Variants in RSPO3 observed in about 807,000 individuals in gnomAD.
RSPO3 encodes the protein R-spondin 3.
Under a neutral mutation model 36.5 loss-of-function variants are expected in RSPO3, and 17 were observed. The ratio of observed to expected loss-of-function variants is 0.47; its 90% CI spans 0.32 to 0.70. RSPO3 has a LOEUF of 0.70. RSPO3 is among the 30% of genes least tolerant of loss of function. RSPO3 has a pLI of 0.04. For missense variants in RSPO3, 294 were observed against 322.5 expected, an observed-to-expected ratio of 0.91 and a Z score of 0.68; for synonymous variants, 108 against 107.0, an observed-to-expected ratio of 1.01 and a Z score of -0.06.
intron 1 of RSPO3, among the ~76,000 whole-genome samples, chr6:127,127,024 T>C (rs1204125397): frequency 6.6e-6 from 1 of 152,102 alleles, no homozygotes; most frequent in African/African-American, 2.4e-5. Flanking sequence ...ATGTGCTACA[T>C]TCACTCCCAA....
chr6:127,118,904 C>T lies in RSPO3; in HGVS notation c.-289C>T. 1 of 228,566 alleles carries T rather than the reference C, an allele frequency of 4.4e-6. No homozygotes were observed. The highest frequency in any genetic ancestry group is 8.4e-6 in the Non-Finnish European group (1 of 118,798). 14.2% of individuals were successfully genotyped at this position (228,566 alleles called of 1,614,324 possible). ...CAGTTGCCGCACAACATGCTACCTG[C>T]GGCCGCCCCGGCGGCTCCTGGAACC... On this transcript the variant is annotated 5_prime_UTR_variant, in exon 1 of 5. Transcript: ENST00000356698.
chr6:127,133,263 C>A (rs752028123), intron 1 of RSPO3, among the ~76,000 whole-genome samples: 5 of 151,892 alleles, frequency 3.3e-5, no homozygotes, highest in Non-Finnish European at 7.4e-5. Flanking sequence ...TATAAATGAG[C>A]AAGGAAAATA....
chr6:127,171,296 T>G (rs1388335168), intron 4 of RSPO3, among the ~76,000 whole-genome samples: 1 of 151,734 alleles, frequency 6.6e-6, no homozygotes, highest in Non-Finnish European at 1.5e-5. Flanking sequence ...AATATATCAG[T>G]GTGCTCCCCA....
At chr6:127,164,492 G>C in intron 4 of RSPO3, among the ~76,000 whole-genome samples, 1 of 151,996 alleles carries the variant, frequency 6.6e-6, no homozygotes, top group East Asian at 1.9e-4. Flanking sequence ...ATAATGCTAA[G>C]AATATTTTAA....
intron 4 of RSPO3, among the ~76,000 whole-genome samples, chr6:127,158,889 T>G (rs531949694): frequency 1.1e-4 from 16 of 152,250 alleles, no homozygotes; most frequent in African/African-American, 3.8e-4. Flanking sequence ...ACCAATACAA[T>G]TCTTTCTAGC....
At chr6:127,130,072 A>G (rs939562861) in intron 1 of RSPO3, among the ~76,000 whole-genome samples, 7 of 152,254 alleles carry the variant, frequency 4.6e-5, no homozygotes, top group Admixed American at 2.0e-4. Flanking sequence ...ATGGTGTTGT[A>G]AGTATCTAAG....
intron 4 of RSPO3, among the ~76,000 whole-genome samples, chr6:127,177,129 A>G (rs1775071957): frequency 3.3e-5 from 5 of 151,980 alleles, no homozygotes; most frequent in African/African-American, 2.4e-5. Context: ...GCTCACATCA[A>G]TATTCCCGCT....
At chr6:127,139,448 T>C (rs1418752752) in intron 1 of RSPO3, among the ~76,000 whole-genome samples, 2 of 152,186 alleles carry the variant, frequency 1.3e-5, no homozygotes, top group Non-Finnish European at 2.9e-5. Context: ...GTGAAGTTAG[T>C]AGTTATGGAG....
chr6:127,135,027 G>A (rs1485472255), intron 1 of RSPO3, among the ~76,000 whole-genome samples: 2 of 152,168 alleles, frequency 1.3e-5, no homozygotes, highest in Admixed American at 6.5e-5. Flanking sequence ...TAGACAAAAC[G>A]TGAGGGTGTG....
At position 127,123,166 on chromosome 6, in the gene RSPO3, T is replaced by A. The variant is rs187072340; in HGVS notation, c.97+3877T>A. On this transcript the variant is annotated intron_variant, in intron 1 of 4. Transcript: ENST00000356698. ...GACATTGTTTCAGATGTTGAGCCAGTCTTTGAAATTATGACACACCCTTTG... is the reference window on the plus strand; with the variant it reads ...GACATTGTTTCAGATGTTGAGCCAGACTTTGAAATTATGACACACCCTTTG... Among the ~76,000 whole-genome samples the A allele has an allele frequency of 1.6e-3, 244 of 152,300 alleles. 1 individual carries two copies. Among genetic ancestry groups the A allele is most frequent in the African/African-American group, 5.7e-3 (239 of 41,586 alleles).
At chr6:127,184,480 A>G (rs372777670) in intron 4 of RSPO3, among the ~76,000 whole-genome samples, 1 of 152,044 alleles carries the variant, frequency 6.6e-6, no homozygotes, top group Admixed American at 6.6e-5. Context: ...GCAAAGGAAG[A>G]GGAGTGAAAT....
At chr6:127,151,556 T>C (rs1327185808) in intron 3 of RSPO3, among the ~76,000 whole-genome samples, 1 of 152,010 alleles carries the variant, frequency 6.6e-6, no homozygotes, top group Non-Finnish European at 1.5e-5. Context: ...GGAGTCCCCA[T>C]CTTAGGGGTC....
chr6:127,169,194 T>A (rs879459815), intron 4 of RSPO3, among the ~76,000 whole-genome samples: 1 of 151,780 alleles, frequency 6.6e-6, no homozygotes, highest in Non-Finnish European at 1.5e-5. Flanking sequence ...CTCCACAACC[T>A]CACCAGCATC....
At chr6:127,141,831 G>A (rs892045718) in intron 1 of RSPO3, among the ~76,000 whole-genome samples, 2 of 152,088 alleles carry the variant, frequency 1.3e-5, no homozygotes, top group Non-Finnish European at 1.5e-5. Flanking sequence ...GTGTGTGTGT[G>A]CATGCATGGG....
chr6:127,161,078 T>A (rs956716731), intron 4 of RSPO3, among the ~76,000 whole-genome samples: 3 of 152,136 alleles, frequency 2.0e-5, no homozygotes, highest in Non-Finnish European at 4.4e-5. Context: ...TCAGAATTTA[T>A]TATCCATGTA....
intron 1 of RSPO3, among the ~76,000 whole-genome samples, chr6:127,139,840 C>T (rs1774234239): frequency 6.6e-6 from 1 of 152,062 alleles, no homozygotes; most frequent in African/African-American, 2.4e-5. Context: ...GAAGCTTTCC[C>T]TCTCTTAGCA....
intron 1 of RSPO3, among the ~76,000 whole-genome samples, chr6:127,135,837 G>C (rs73593087): frequency 6.6e-6 from 1 of 150,584 alleles, no homozygotes; most frequent in African/African-American, 2.4e-5. Flanking sequence ...TGAAGTGAGA[G>C]TATCACTTGA....
intron 4 of RSPO3, among the ~76,000 whole-genome samples, chr6:127,190,484 A>G (rs1469039058): frequency 2.0e-5 from 3 of 152,176 alleles, no homozygotes; most frequent in African/African-American, 7.2e-5. Flanking sequence ...CATTCTCTAT[A>G]CATAATAATC....
At chr6:127,138,560 T>C (rs960618404) in intron 1 of RSPO3, among the ~76,000 whole-genome samples, 1 of 152,090 alleles carries the variant, frequency 6.6e-6, no homozygotes, top group Admixed American at 6.6e-5. Flanking sequence ...GCCTCTTGAG[T>C]TAAACAAAGT....
Sources: allele counts gnomAD v4.1 joint callset (sites outside exome capture counted in the v4.1 genomes callset), GRCh38; gene constraint gnomAD v4.1.1; transcripts MANE v1.5; gene names NCBI Gene and HGNC (gene_info 2026-07-23, HGNC 2026-07-21).